Variants in SHANK2 observed in about 807,000 individuals in gnomAD.
The protein encoded by SHANK2 is SH3 and multiple ankyrin repeat domains 2, also known as SH3 and multiple ankyrin repeat domains protein 2.
Under a neutral mutation model 133.7 loss-of-function variants are expected in SHANK2, and 43 were observed. That is an observed-to-expected ratio of 0.32 (90% CI 0.25 to 0.41). SHANK2 has a LOEUF of 0.41. Among genes scored for constraint, SHANK2 ranks in the 10% least tolerant of loss-of-function variants. The pLI, the probability that SHANK2 is intolerant of heterozygous loss-of-function variation, is 1.00. For synonymous variants in SHANK2, 1,017 were observed against 952.8 expected, an observed-to-expected ratio of 1.07 and a Z score of -1.24; for missense variants, 1,994 against 2,235.8, an observed-to-expected ratio of 0.89 and a Z score of 2.18.
intron 11 of SHANK2, among the ~76,000 whole-genome samples, chr11:70,886,974 C>T (rs887642405): frequency 6.6e-6 from 1 of 152,148 alleles, no homozygotes; most frequent in Non-Finnish European, 1.5e-5. Context: ...AAACCTTGTT[C>T]GGTTGAGGAA....
chr11:71,177,617 A>G (rs189761745), intron 2 of SHANK2, among the ~76,000 whole-genome samples: 1 of 152,368 alleles, frequency 6.6e-6, no homozygotes, highest in East Asian at 1.9e-4. Flanking sequence ...AAGCAGAATG[A>G]TGTAACAAAA....
chr11:70,652,358 T>A (rs1333631741), intron 17 of SHANK2, among the ~76,000 whole-genome samples: 1 of 152,212 alleles, frequency 6.6e-6, no homozygotes, highest in Non-Finnish European at 1.5e-5. Context: ...ATGGTGGGTG[T>A]GCCCTGTGAC....
rs1479541515 is a variant in SHANK2, at chr11:70,739,378, C to T, written c.1778-40615G>A. ...CCAGGAGGTGGACAATGAAGACAAT[C>T]GTGTGGAGCAGCTGCTGCGGTGAGG... On this transcript the variant is annotated intron_variant, in intron 14 of 25. Transcript: ENST00000601538. This position sits in a 1 kb window ranked among gnomAD's most constrained non-coding sequence, Gnocchi z 4.3. Among the ~76,000 whole-genome samples, 3 of 152,204 alleles carry T rather than the reference C, an allele frequency of 2.0e-5. No individual in the cohort carries two copies. Among genetic ancestry groups the T allele is most frequent in the South Asian group, 4.1e-4 (2 of 4,822 alleles).
intron 14 of SHANK2, among the ~76,000 whole-genome samples, chr11:70,793,346 A>G (rs546016402): frequency 6.6e-6 from 1 of 152,328 alleles, no homozygotes; most frequent in Non-Finnish European, 1.5e-5. Context: ...ATATGATGTG[A>G]GGTGGTGGTG....
At position 70,807,843 on chromosome 11, in the gene SHANK2, T is replaced by G. The variant is rs1453214866; in HGVS notation, c.1494-672A>C. 5.4e-5 allele frequency among the ~76,000 whole-genome samples: 8 copies of G among 148,132 alleles called. No homozygotes were observed. Among genetic ancestry groups the G allele is most frequent in the Admixed American group, 1.3e-4 (2 of 15,002 alleles). ...AGACTCTGTCTCCAAAAAAAAAAAG[T>G]AAACTGTGACACAGGCTACACCATG... On this transcript the variant is annotated intron_variant, in intron 12 of 25. Coordinates refer to ENST00000601538, the MANE Select transcript of SHANK2 (RefSeq NM_012309.5). This position sits in a 1 kb window ranked among gnomAD's most constrained non-coding sequence, Gnocchi z 4.8.
intron 17 of SHANK2, among the ~76,000 whole-genome samples, chr11:70,560,922 C>T (rs1056503249): frequency 2.6e-5 from 4 of 152,094 alleles, no homozygotes; most frequent in East Asian, 1.9e-4. Flanking sequence ...CCACGGTGCC[C>T]GGCCCACTTA....
chr11:70,945,796 G>C (rs1555085263), intron 10 of SHANK2, among the ~76,000 whole-genome samples: 2 of 152,124 alleles, frequency 1.3e-5, no homozygotes, highest in Non-Finnish European at 2.9e-5. Flanking sequence ...GGAGGTTATG[G>C]GGGAAGAGCT....
At chr11:70,839,808 G>A (rs1948875679) in intron 11 of SHANK2, among the ~76,000 whole-genome samples, 2 of 152,176 alleles carry the variant, frequency 1.3e-5, no homozygotes, top group African/African-American at 4.8e-5. Context: ...CCTAGTTAGC[G>A]AATCCAAATG....
chr11:70,837,397 C>T (rs1948836050), intron 11 of SHANK2, among the ~76,000 whole-genome samples: 1 of 152,196 alleles, frequency 6.6e-6, no homozygotes, highest in African/African-American at 2.4e-5. Flanking sequence ...GCCTGCTCTC[C>T]CCATGTCTGG....
intron 6 of SHANK2, among the ~76,000 whole-genome samples, chr11:71,105,361 G>A (rs1268085636): frequency 6.6e-6 from 1 of 152,090 alleles, no homozygotes; most frequent in African/African-American, 2.4e-5. Flanking sequence ...GGGAGGCTGA[G>A]GTGGGTGGAT....
chr11:70,741,481 A>C (rs1274096939), intron 14 of SHANK2, among the ~76,000 whole-genome samples: 1 of 152,098 alleles, frequency 6.6e-6, no homozygotes, highest in Non-Finnish European at 1.5e-5. Flanking sequence ...ATAGTCACTC[A>C]TCCATCTGCC....
intron 11 of SHANK2, among the ~76,000 whole-genome samples, chr11:70,856,859 G>T (rs1345825965): frequency 6.6e-6 from 1 of 152,110 alleles, no homozygotes; most frequent in Admixed American, 6.5e-5. Context: ...GCCCAGTGTG[G>T]TTCTCCCTGC....
At chr11:70,532,635 A>C (rs1591544739) in intron 17 of SHANK2, among the ~76,000 whole-genome samples, 1 of 150,852 alleles carries the variant, frequency 6.6e-6, no homozygotes, top group South Asian at 2.1e-4. Flanking sequence ...TCCATTGTCC[A>C]TGGAAAAAAA....
At position 70,827,638 on chromosome 11, in the gene SHANK2, GTT is replaced by G. The variant is rs797024799; in HGVS notation, c.1175-6958_1175-6957del. On this transcript the variant is annotated intron_variant, in intron 11 of 25. Transcript: ENST00000601538. ...TTTAGTGTGCTGTGTGTGTGTGTGT[GTT>G]TTTTTTTTTTTTTTTTCTGGTTGCT... 2.6e-3 allele frequency among the ~76,000 whole-genome samples: 278 copies of G among 108,212 alleles called. 2 individuals carry two copies. Among genetic ancestry groups the G allele is most frequent in the African/African-American group, 6.5e-3 (179 of 27,562 alleles). The allele number at this position is 108,212 out of a possible 152,430, so 71.0% of individuals were successfully genotyped here.
chr11:71,155,241 C>T (rs1952882487), intron 2 of SHANK2, among the ~76,000 whole-genome samples: 1 of 133,240 alleles, frequency 7.5e-6, no homozygotes, highest in Non-Finnish European at 1.6e-5. Flanking sequence ...CCAGCCCACG[C>T]TCCCGGAGGA....
chr11:71,197,737 G>T (rs1018865149), intron 2 of SHANK2, among the ~76,000 whole-genome samples: 5 of 152,172 alleles, frequency 3.3e-5, no homozygotes, highest in African/African-American at 1.2e-4. Context: ...TGCAAGCTCC[G>T]CCTCCCAGGT....
intron 10 of SHANK2, among the ~76,000 whole-genome samples, chr11:70,953,031 G>A (rs904667441): frequency 4.6e-5 from 7 of 151,980 alleles, no homozygotes; most frequent in African/African-American, 1.5e-4. Context: ...CAATCCCACC[G>A]CCTCCACCTT....
chr11:71,109,888 CCTT>C, intron 6 of SHANK2, 50 bp downstream of exon 6: 1 of 1,126,862 alleles, frequency 8.9e-7, no homozygotes, highest in South Asian at 1.3e-5. Context: ...AGTGGGCTGG[CCTT>C]CTCTACGCTT....
chr11:70,615,401 A>G (rs937874461), intron 17 of SHANK2, among the ~76,000 whole-genome samples: 1 of 151,924 alleles, frequency 6.6e-6, no homozygotes, highest in East Asian at 1.9e-4. Flanking sequence ...CGAGAGAGGG[A>G]GGGCTGACTG....
Sources: gnomAD v4.1 joint callset for allele counts (sites outside exome capture counted in the v4.1 genomes callset) on GRCh38, gnomAD v4.1.1 for gene constraint, Gnocchi (gnomAD v3.1) non-coding constraint, MANE v1.5 for transcripts, NCBI Gene and HGNC (gene_info 2026-07-23, HGNC 2026-07-21) for gene names.